OR51B5: variants seen among roughly 807,000 people sequenced by gnomAD.
The protein encoded by OR51B5 is olfactory receptor family 51 subfamily B member 5.
For missense variants in OR51B5, 456 were observed against 374.6 expected (o/e 1.22, Z -1.79); for synonymous variants, 186 against 144.8 (o/e 1.28, Z -2.04).
chr11:5,419,051 C>T (rs1043579369), intron 1 of OR51B5, among the ~76,000 whole-genome samples: 2 of 152,052 alleles, frequency 1.3e-5, no homozygotes, highest in African/African-American at 4.8e-5. Flanking sequence ...AGTATGACAT[C>T]TGAGGACTTA....
chr11:5,458,781 G>A (rs1187591742), intron 1 of OR51B5, among the ~76,000 whole-genome samples: 2 of 152,122 alleles, frequency 1.3e-5, no homozygotes, highest in Non-Finnish European at 2.9e-5. Flanking sequence ...ATGTAGAAAT[G>A]CTACTGATTT....
intron 1 of OR51B5, chr11:5,403,042 G>A (rs1181177394): frequency 6.4e-6 from 3 of 471,494 alleles, no homozygotes; most frequent in African/African-American, 4.0e-5. Context: ...TGGCACAGGA[G>A]CTATTATCGT....
intron 1 of OR51B5, among the ~76,000 whole-genome samples, chr11:5,362,354 C>T (rs372285498): frequency 5.9e-5 from 9 of 152,180 alleles, no homozygotes; most frequent in African/African-American, 1.2e-4. Context: ...TAATCAACTA[C>T]GAAGATGGTC....
intron 1 of OR51B5, among the ~76,000 whole-genome samples, chr11:5,374,079 C>T (rs188416443): frequency 0.011 from 1,703 of 152,224 alleles, 16 homozygotes; most frequent in Non-Finnish European, 0.015. Context: ...GGGAGGCACC[C>T]CCAAGTAAGG....
intron 1 of OR51B5, among the ~76,000 whole-genome samples, chr11:5,448,042 A>G (rs1286935104): frequency 6.6e-6 from 1 of 152,180 alleles, no homozygotes; most frequent in Non-Finnish European, 1.5e-5. Flanking sequence ...TGTAAGGTTT[A>G]ATTATGCCAA....
At chr11:5,340,747 C>G (rs1208777770), downstream of OR51B5, 1 of 152,154 alleles carries the variant, frequency 6.6e-6, no homozygotes, top group Non-Finnish European at 1.5e-5. Flanking sequence ...TGAATCATGA[C>G]TATACCAATT....
chr11:5,362,499 A>G (rs1196229105), intron 1 of OR51B5: 1 of 157,728 alleles, frequency 6.3e-6, no homozygotes, highest in Non-Finnish European at 1.4e-5. Context: ...AGAATAGATA[A>G]CATTGTTAGA....
At chr11:5,435,586 GAATA>G (rs985267918) in intron 1 of OR51B5, among the ~76,000 whole-genome samples, 7 of 47,154 alleles carry the variant, frequency 1.5e-4, no homozygotes, top group Non-Finnish European at 2.2e-4. Context: ...TTAACTGGAT[GAATA>G]AATAACTGAA....
chr11:5,352,846 T>TATTTAAC (rs199655263), intron 1 of OR51B5, among the ~76,000 whole-genome samples: 10,388 of 146,770 alleles, frequency 0.071, 426 homozygotes, highest in African/African-American at 0.099. Context: ...ATATACTTAA[T>TATTTAAC]ATATAATAGT....
chr11:5,371,963 T>C (rs1376115415), intron 1 of OR51B5, among the ~76,000 whole-genome samples: 1 of 152,144 alleles, frequency 6.6e-6, no homozygotes, highest in Non-Finnish European at 1.5e-5. Context: ...TTATTTTTCT[T>C]TTGAGATTCC....
intron 1 of OR51B5, among the ~76,000 whole-genome samples, chr11:5,385,815 A>G (rs1217469481): frequency 6.7e-6 from 1 of 149,090 alleles, no homozygotes; most frequent in African/African-American, 2.4e-5. Context: ...AAATCTATAA[A>G]GTATATAAAG....
chr11:5,401,412 T>G (rs539330649), intron 1 of OR51B5, among the ~76,000 whole-genome samples: 1 of 152,334 alleles, frequency 6.6e-6, no homozygotes, highest in South Asian at 2.1e-4. Flanking sequence ...TTGCACATAA[T>G]CTTTCTAGTT....
At chr11:5,447,884 A>G (rs989302577) in intron 1 of OR51B5, among the ~76,000 whole-genome samples, 1 of 152,178 alleles carries the variant, frequency 6.6e-6, no homozygotes, top group African/African-American at 2.4e-5. Context: ...AATTAGCCAG[A>G]TAAGTCTCCC....
At chr11:5,441,189 A>G (rs1199423759) in intron 1 of OR51B5, 2 of 1,613,986 alleles carry the variant, frequency 1.2e-6, no homozygotes, top group South Asian at 1.1e-5. Context: ...CATGAAGGAG[A>G]AAGTGTGGAT....
At chr11:5,420,478 G>C (rs1419443876) in intron 1 of OR51B5, among the ~76,000 whole-genome samples, 1 of 151,672 alleles carries the variant, frequency 6.6e-6, no homozygotes, top group Non-Finnish European at 1.5e-5. Context: ...TATTTTTCTT[G>C]ATAAATATTG....
chr11:5,488,816 T>C (rs965575285), intron 1 of OR51B5: 4 of 1,613,934 alleles, frequency 2.5e-6, no homozygotes, highest in Non-Finnish European at 3.4e-6. Context: ...TTCTGTGCCA[T>C]GTATCTTGTA....
intron 1 of OR51B5, among the ~76,000 whole-genome samples, chr11:5,479,626 G>A (rs1851382318): frequency 6.6e-6 from 1 of 152,068 alleles, no homozygotes; most frequent in South Asian, 2.1e-4. Flanking sequence ...CATCTCATGT[G>A]CAGAGACACA....
upstream of OR51B5, among the ~76,000 whole-genome samples, chr11:5,344,935 G>C (rs948515778): frequency 1.3e-5 from 2 of 152,114 alleles, no homozygotes; most frequent in African/African-American, 4.8e-5. Context: ...GCACCTATGA[G>C]GAGGTCCCAT....
chr11:5,395,785 A>C (rs1337516209), intron 1 of OR51B5, among the ~76,000 whole-genome samples: 1 of 152,212 alleles, frequency 6.6e-6, no homozygotes, highest in East Asian at 1.9e-4. Flanking sequence ...ATTGTCCAAA[A>C]ACCTGTGCAA....
Sources: gnomAD v4.1 joint callset for allele counts (sites outside exome capture counted in the v4.1 genomes callset) on GRCh38, gnomAD v4.1.1 for gene constraint, MANE v1.5 for transcripts, NCBI Gene and HGNC (gene_info 2026-07-23, HGNC 2026-07-21) for gene names.